The following FRMD4B variants were observed in gnomAD, a reference collection of about 807,000 sequenced individuals.
FRMD4B encodes FERM domain containing 4B.
A neutral mutation model predicts 141.5 loss-of-function variants in FRMD4B; 74 were observed. That is an observed-to-expected ratio of 0.52 (90% CI 0.43 to 0.63). FRMD4B has a LOEUF of 0.63. FRMD4B is among the 30% of genes least tolerant of loss of function. The probability of loss-of-function intolerance (pLI) is 0.00; values close to 1 mark genes in which losing one functional copy is unlikely to be tolerated. For synonymous variants in FRMD4B, 506 were observed against 467.9 expected, an observed-to-expected ratio of 1.08 and a Z score of -1.05; for missense variants, 1,366 against 1,253.4, an observed-to-expected ratio of 1.09 and a Z score of -1.36.
At chr3:69,491,714 C>T (rs1446085145) in intron 1 of FRMD4B, among the ~76,000 whole-genome samples, 1 of 152,178 alleles carries the variant, frequency 6.6e-6, no homozygotes, top group Non-Finnish European at 1.5e-5. Context: ...TCACAATTTA[C>T]CTGTTACACC....
intron 1 of FRMD4B, among the ~76,000 whole-genome samples, chr3:69,360,771 T>C (rs554673444): frequency 6.6e-6 from 1 of 152,356 alleles, no homozygotes; most frequent in African/African-American, 2.4e-5. Flanking sequence ...AGATCTTTTT[T>C]GGCAATACTA....
At chr3:69,459,213 T>C (rs567937638) in intron 1 of FRMD4B, among the ~76,000 whole-genome samples, 20 of 152,352 alleles carry the variant, frequency 1.3e-4, no homozygotes, top group Middle Eastern at 6.8e-3. Context: ...TTCAAACATT[T>C]CAGTAAATTA....
chr3:69,353,562 T>G, intron 1 of FRMD4B: 2 of 985,068 alleles, frequency 2.0e-6, no homozygotes, highest in Non-Finnish European at 2.4e-6. Context: ...CACCATGACC[T>G]CGGCTCATTT....
intron 2 of FRMD4B, among the ~76,000 whole-genome samples, chr3:69,403,804 G>A (rs1002097041): frequency 8.6e-5 from 13 of 151,990 alleles, no homozygotes; most frequent in African/African-American, 2.4e-4. Context: ...GCACGCATGC[G>A]TACCCCACTC....
At chr3:69,463,877 T>G (rs17354320) in intron 1 of FRMD4B, among the ~76,000 whole-genome samples, 37,484 of 152,092 alleles carry the variant, frequency 0.25, 4,880 homozygotes, top group Middle Eastern at 0.3. Context: ...AGTACAGCTT[T>G]GAAAGGCTAT....
intron 5 of FRMD4B, among the ~76,000 whole-genome samples, chr3:69,264,302 T>C (rs1216259183): frequency 6.6e-6 from 1 of 152,210 alleles, no homozygotes; most frequent in African/African-American, 2.4e-5. Context: ...AATTGTTATC[T>C]GTTTTTGCCA....
intron 7 of FRMD4B, among the ~76,000 whole-genome samples, chr3:69,231,974 G>C (rs141954748): frequency 7.6e-4 from 115 of 152,296 alleles, no homozygotes; most frequent in African/African-American, 2.5e-3. Flanking sequence ...TACGGAGCTT[G>C]TAGGAGCAGC....
At chr3:69,306,044 G>A (rs1271990000) in intron 3 of FRMD4B, among the ~76,000 whole-genome samples, 1 of 152,132 alleles carries the variant, frequency 6.6e-6, no homozygotes, top group Non-Finnish European at 1.5e-5. Flanking sequence ...AGATATTCAT[G>A]CATATATTAT....
At chr3:69,468,691 T>C (rs1705834479) in intron 1 of FRMD4B, among the ~76,000 whole-genome samples, 1 of 152,222 alleles carries the variant, frequency 6.6e-6, no homozygotes, top group African/African-American at 2.4e-5. Flanking sequence ...GGAGCAGCTA[T>C]ATTTGCTACT....
intron 3 of FRMD4B, among the ~76,000 whole-genome samples, chr3:69,305,783 T>G (rs761648719): frequency 7.2e-5 from 11 of 152,178 alleles, no homozygotes; most frequent in Non-Finnish European, 1.5e-4. Flanking sequence ...TAATGTATAT[T>G]TGTATGAACT....
chr3:69,185,162 G>A (rs2092751567), intron 19 of FRMD4B, among the ~76,000 whole-genome samples: 1 of 151,972 alleles, frequency 6.6e-6, no homozygotes, highest in African/African-American at 2.4e-5. Context: ...TTAGCCAGGT[G>A]TGGTGGCAGG....
At chr3:69,461,623 CAA>C (rs58143332) in intron 1 of FRMD4B, among the ~76,000 whole-genome samples, 3 of 43,464 alleles carry the variant, frequency 6.9e-5, no homozygotes, top group African/African-American at 1.7e-4. Flanking sequence ...GACTCTGTCT[CAA>C]AAAAAAAAAA....
chr3:69,373,158 C>T (rs1703874872), intron 1 of FRMD4B, among the ~76,000 whole-genome samples: 1 of 152,184 alleles, frequency 6.6e-6, no homozygotes, highest in Non-Finnish European at 1.5e-5. Context: ...ACTTTTTCTT[C>T]TTTTGAAGTG....
intron 2 of FRMD4B, among the ~76,000 whole-genome samples, chr3:69,392,236 G>A (rs937528679): frequency 7.2e-5 from 11 of 152,224 alleles, no homozygotes; most frequent in African/African-American, 2.2e-4. Flanking sequence ...CAGTGGGGAA[G>A]TCAGAAGAGG....
At chr3:69,463,199 C>T (rs940061887) in intron 1 of FRMD4B, among the ~76,000 whole-genome samples, 1 of 152,226 alleles carries the variant, frequency 6.6e-6, no homozygotes, top group Non-Finnish European at 1.5e-5. Flanking sequence ...CCACTCTTCT[C>T]ACATTCCTAG....
intron 1 of FRMD4B, among the ~76,000 whole-genome samples, chr3:69,374,395 C>A (rs1703911874): frequency 6.6e-6 from 1 of 152,184 alleles, no homozygotes. Flanking sequence ...AGGTAATAAG[C>A]ATCTAATCGA....
chr3:69,353,653 G>T (rs1265292070), intron 1 of FRMD4B: 7 of 983,172 alleles, frequency 7.1e-6, no homozygotes, highest in Non-Finnish European at 8.5e-6. Context: ...GCGCGCGCGT[G>T]TGTGTGCGCG....
At chr3:69,372,555 C>G (rs2107493621) in intron 1 of FRMD4B, among the ~76,000 whole-genome samples, 1 of 152,254 alleles carries the variant, frequency 6.6e-6, no homozygotes, top group African/African-American at 2.4e-5. Flanking sequence ...ATCCCAGCTA[C>G]TTGGGAGGCT....
At chr3:69,448,661 T>C (rs1405676377) in intron 1 of FRMD4B, among the ~76,000 whole-genome samples, 1 of 152,228 alleles carries the variant, frequency 6.6e-6, no homozygotes, top group African/African-American at 2.4e-5. Flanking sequence ...TGCTCATTTG[T>C]ATAACTTCTG....
Sources: gnomAD v4.1 joint callset for allele counts (sites outside exome capture counted in the v4.1 genomes callset) on GRCh38, gnomAD v4.1.1 for gene constraint, MANE v1.5 for transcripts, NCBI Gene and HGNC (gene_info 2026-07-23, HGNC 2026-07-21) for gene names.